ESR1: variants seen among roughly 807,000 people sequenced by gnomAD.
ESR1 encodes the protein estrogen receptor.
A neutral mutation model predicts 52.7 loss-of-function variants in ESR1; 12 were observed. That is an observed-to-expected ratio of 0.23 (90% CI 0.15 to 0.37). The LOEUF (loss-of-function observed/expected upper bound fraction) is 0.37, where lower values mean the gene tolerates loss of function less well. ESR1 is among the 10% of genes least tolerant of loss of function. The probability of loss-of-function intolerance (pLI) is 1.00; values close to 1 mark genes in which losing one functional copy is unlikely to be tolerated. For synonymous variants in ESR1, 305 were observed against 316.8 expected (o/e 0.96, Z 0.39); for missense variants, 584 against 779.7 (o/e 0.75, Z 2.99).
chr6:151,745,891 A>G (rs113235865), intron 2 of ESR1, among the ~76,000 whole-genome samples: 1 of 151,868 alleles, frequency 6.6e-6, no homozygotes, highest in African/African-American at 2.4e-5. Context: ...CTCCTTCCCC[A>G]TTTCCTTCTC....
intron 3 of ESR1, among the ~76,000 whole-genome samples, chr6:151,906,410 C>A (rs1024942083): frequency 6.6e-6 from 1 of 151,646 alleles, no homozygotes; most frequent in Non-Finnish European, 1.5e-5. Context: ...TACATAATTA[C>A]CCTTAAAAAT....
intron 1 of ESR1, among the ~76,000 whole-genome samples, chr6:151,696,130 G>C (rs1196186754): frequency 6.6e-6 from 1 of 152,046 alleles, no homozygotes; most frequent in Non-Finnish European, 1.5e-5. Flanking sequence ...GGGCCTTGCT[G>C]TGGTTTATTA....
chr6:151,830,893 G>C (rs1782295017), intron 1 of ESR1, among the ~76,000 whole-genome samples: 2 of 151,990 alleles, frequency 1.3e-5, no homozygotes, highest in Non-Finnish European at 2.9e-5. Flanking sequence ...TTCAGAACTT[G>C]TATATATGAG....
chr6:151,905,864 T>G (rs1797362461), intron 3 of ESR1, among the ~76,000 whole-genome samples: 1 of 152,160 alleles, frequency 6.6e-6, no homozygotes, highest in South Asian at 2.1e-4. Context: ...TGTCCCACAA[T>G]CATGCCTGAA....
chr6:151,820,816 T>G (rs1562441316), intron 1 of ESR1, among the ~76,000 whole-genome samples: 1 of 152,226 alleles, frequency 6.6e-6, no homozygotes, highest in Admixed American at 6.5e-5. Flanking sequence ...AGTAGGGGGA[T>G]GTTTTTCCTT....
At chr6:151,698,437 T>C (rs972447120) in intron 1 of ESR1, among the ~76,000 whole-genome samples, 1 of 151,900 alleles carries the variant, frequency 6.6e-6, no homozygotes, top group Non-Finnish European at 1.5e-5. Context: ...TGGGCATCTG[T>C]GCTGGGAATA....
chr6:151,670,790 C>T lies in ESR1; in HGVS notation n.73+14027C>T, dbSNP rs1190459148. Among the ~76,000 whole-genome samples the T allele has an allele frequency of 4.6e-4, 45 of 97,500 alleles. 1 individual carries two copies. Among genetic ancestry groups the T allele is most frequent in the Non-Finnish European group, 7.9e-4 (41 of 51,764 alleles). 64.0% of individuals were successfully genotyped at this position (97,500 alleles called of 152,430 possible). ...TTTTTTTTTTTTTTTTTTTTTGAGA[C>T]GGAGTTTCACTCTTGTCGCCCAGGC... On this transcript the variant is annotated intron_variant and non_coding_transcript_variant, in intron 1 of 2. Transcript: ENST00000473497.
chr6:151,661,691 C>T (rs1233508101), intron 1 of ESR1, among the ~76,000 whole-genome samples: 1 of 152,182 alleles, frequency 6.6e-6, no homozygotes, highest in East Asian at 1.9e-4. Flanking sequence ...GTGATCCCCA[C>T]ATGTCCAGGG....
At chr6:152,027,012 G>A (rs1224576193) in intron 5 of ESR1, among the ~76,000 whole-genome samples, 1 of 150,770 alleles carries the variant, frequency 6.6e-6, no homozygotes, top group Non-Finnish European at 1.5e-5. Context: ...TGTTGCCCAG[G>A]TTGGAGTGCA....
upstream of ESR1, among the ~76,000 whole-genome samples, chr6:151,689,793 C>T (rs1479793349): frequency 1.3e-5 from 2 of 152,092 alleles, no homozygotes; most frequent in South Asian, 4.1e-4. Flanking sequence ...TTTAAAAATT[C>T]ATTTAAAGTA....
chr6:151,685,431 C>T (rs563082961), intron 1 of ESR1, among the ~76,000 whole-genome samples: 1 of 152,038 alleles, frequency 6.6e-6, no homozygotes. Context: ...CCGCGCCCGG[C>T]CACTGGCCTC....
chr6:151,910,577 C>T (rs1208456524), intron 3 of ESR1, among the ~76,000 whole-genome samples: 1 of 152,114 alleles, frequency 6.6e-6, no homozygotes, highest in African/African-American at 2.4e-5. Flanking sequence ...CACAGTTTGT[C>T]CCTCTATAAA....
At chr6:151,771,935 A>T (rs1472724868) in intron 2 of ESR1, among the ~76,000 whole-genome samples, 1 of 152,188 alleles carries the variant, frequency 6.6e-6, no homozygotes, top group Non-Finnish European at 1.5e-5. Context: ...CTGCTTGACT[A>T]TTATTTTCTT....
chr6:151,856,579 A>G (rs1369327845), intron 2 of ESR1, among the ~76,000 whole-genome samples: 1 of 142,984 alleles, frequency 7.0e-6, no homozygotes, highest in Non-Finnish European at 1.5e-5. Context: ...GCTTTTATCA[A>G]TTATATACAA....
At chr6:152,043,606 G>A (rs2045982354) in intron 5 of ESR1, among the ~76,000 whole-genome samples, 1 of 152,178 alleles carries the variant, frequency 6.6e-6, no homozygotes, top group Admixed American at 6.5e-5. Flanking sequence ...CTGCCTCAAG[G>A]GAGGTCATCG....
At chr6:152,122,224 C>T (rs2051550443) in intron 6 of ESR1, 9 of 733,242 alleles carry the variant, frequency 1.2e-5, no homozygotes, top group Non-Finnish European at 2.0e-5. Context: ...CAGATTTCTT[C>T]CAAACCTTCT....
At chr6:151,962,201 G>A (rs2037747495) in intron 4 of ESR1, among the ~76,000 whole-genome samples, 1 of 152,294 alleles carries the variant, frequency 6.6e-6, no homozygotes, top group South Asian at 2.1e-4. Context: ...CTGCATGGAT[G>A]TATTGAAACA....
At chr6:152,043,592 G>T (rs1220469845) in intron 5 of ESR1, among the ~76,000 whole-genome samples, 1 of 152,170 alleles carries the variant, frequency 6.6e-6, no homozygotes, top group Non-Finnish European at 1.5e-5. Context: ...GTCTTTCCTG[G>T]CAACTGCCTC....
chr6:152,022,374 G>A (rs1010777513), intron 5 of ESR1, among the ~76,000 whole-genome samples: 3 of 152,138 alleles, frequency 2.0e-5, no homozygotes, highest in Admixed American at 2.0e-4. Context: ...CATACATGTT[G>A]GGTTTAAAGT....
Sources: gnomAD v4.1 joint callset for allele counts (sites outside exome capture counted in the v4.1 genomes callset) on GRCh38, gnomAD v4.1.1 for gene constraint, MANE v1.5 for transcripts, NCBI Gene and HGNC (gene_info 2026-07-23, HGNC 2026-07-21) for gene names.